Variants in SYT1 observed in about 807,000 individuals in gnomAD.
The protein encoded by SYT1 is synaptotagmin 1.
In SYT1, 8 loss-of-function variants were observed where a neutral mutation model predicts 44.8. The ratio of observed to expected loss-of-function variants is 0.18; its 90% CI spans 0.10 to 0.32. The LOEUF (loss-of-function observed/expected upper bound fraction) is 0.32, where lower values mean the gene tolerates loss of function less well. Among genes scored for constraint, SYT1 ranks in the 10% least tolerant of loss-of-function variants. The pLI, the probability that SYT1 is intolerant of heterozygous loss-of-function variation, is 1.00. For synonymous variants in SYT1, 154 were observed against 188.8 expected (o/e 0.82, Z 1.51); for missense variants, 286 against 509.3 (o/e 0.56, Z 4.22).
intron 8 of SYT1, among the ~76,000 whole-genome samples, chr12:79,308,652 G>GAAAGAAAGAAAGAAAGAAAGAAAGAAAGA (rs1565901646): frequency 1.8e-4 from 20 of 108,870 alleles, no homozygotes; most frequent in African/African-American, 7.1e-4. Context: ...AAGAAAGAAA[G>GAAAGAAAGAAAGAAAGAAAGAAAGAAAGA]AAAGAAAAGA....
chr12:79,311,313 A>G (rs868371654), intron 8 of SYT1, among the ~76,000 whole-genome samples: 20 of 152,228 alleles, frequency 1.3e-4, no homozygotes, highest in Admixed American at 4.6e-4. Context: ...CAAAACTGCA[A>G]TGAGATACCA....
chr12:79,104,059 T>G (rs763309286), intron 3 of SYT1, among the ~76,000 whole-genome samples: 1 of 152,146 alleles, frequency 6.6e-6, no homozygotes, highest in Admixed American at 6.5e-5. Flanking sequence ...TTATATGCTG[T>G]TGTCACTGGA....
chr12:79,138,891 A>T (rs2138206190), intron 3 of SYT1, among the ~76,000 whole-genome samples: 1 of 152,332 alleles, frequency 6.6e-6, no homozygotes, highest in Non-Finnish European at 1.5e-5. Context: ...GGTGGTAAGA[A>T]AAAAACTCAG....
At position 78,957,090 on chromosome 12, in the gene SYT1, G is replaced by A. The variant is rs190588882; in HGVS notation, c.-216-20709G>A. 2.0e-5 allele frequency among the ~76,000 whole-genome samples: 3 copies of A among 152,256 alleles called. No individual in the cohort carries two copies. In the East Asian group the frequency reaches 5.8e-4, roughly 29 times the overall value. ...TTCCACTGGCTGTCCACTGTTTGAG[G>A]GAGACTGATGGGCAAACATCTGCTT... On this transcript the variant is annotated intron_variant, in intron 1 of 10. Transcript: ENST00000261205.
intron 1 of SYT1, among the ~76,000 whole-genome samples, chr12:78,903,641 A>C (rs985940463): frequency 6.6e-6 from 1 of 152,070 alleles, no homozygotes; most frequent in African/African-American, 2.4e-5. Context: ...GTACAATTCA[A>C]TAGGCTTTTA....
intron 2 of SYT1, among the ~76,000 whole-genome samples, chr12:78,980,676 A>T (rs1869183892): frequency 6.6e-6 from 1 of 152,202 alleles, no homozygotes; most frequent in Admixed American, 6.5e-5. Flanking sequence ...ATTATAGTAA[A>T]ATTACATAAG....
intron 2 of SYT1, among the ~76,000 whole-genome samples, chr12:78,979,862 G>A (rs1869115397): frequency 6.6e-6 from 1 of 151,722 alleles, no homozygotes; most frequent in Non-Finnish European, 1.5e-5. Context: ...TGAATCTTTA[G>A]TTTTACAAAG....
intron 4 of SYT1, among the ~76,000 whole-genome samples, chr12:79,228,535 C>G (rs1336181577): frequency 6.6e-6 from 1 of 152,160 alleles, no homozygotes; most frequent in Non-Finnish European, 1.5e-5. Flanking sequence ...CTCCCCTTCT[C>G]CTTCACTGAC....
At chr12:78,904,381 A>C (rs1185112484) in intron 1 of SYT1, among the ~76,000 whole-genome samples, 3 of 152,148 alleles carry the variant, frequency 2.0e-5, no homozygotes, top group African/African-American at 4.8e-5. Context: ...ATAAAATTTG[A>C]ATTTTTTAGT....
chr12:79,332,381 G>A (rs1291226338), intron 8 of SYT1, among the ~76,000 whole-genome samples: 2 of 152,128 alleles, frequency 1.3e-5, no homozygotes, highest in Non-Finnish European at 2.9e-5. Flanking sequence ...CAAACCAGAT[G>A]GAAACTAAAT....
intron 3 of SYT1, among the ~76,000 whole-genome samples, chr12:79,190,885 A>G (rs1008656535): frequency 1.3e-5 from 2 of 152,080 alleles, no homozygotes; most frequent in Non-Finnish European, 2.9e-5. Flanking sequence ...TTTTGTATCT[A>G]CAAAGATGTG....
At chr12:79,180,488 T>TAA (rs398116641) in intron 3 of SYT1, among the ~76,000 whole-genome samples, 503 of 23,676 alleles carry the variant, frequency 0.021, 6 homozygotes, top group African/African-American at 0.06. Flanking sequence ...TTTTTTTTTT[T>TAA]AAAAAAAGGA....
chr12:78,988,789 A>G (rs530611527), intron 2 of SYT1, among the ~76,000 whole-genome samples: 4 of 152,270 alleles, frequency 2.6e-5, no homozygotes, highest in Admixed American at 1.3e-4. Flanking sequence ...GGTTTTCAAT[A>G]GGAAAATGCT....
chr12:79,372,555 G>T (rs1421962565), intron 9 of SYT1, among the ~76,000 whole-genome samples: 1 of 152,158 alleles, frequency 6.6e-6, no homozygotes, highest in Non-Finnish European at 1.5e-5. Flanking sequence ...TTAAGCTGAG[G>T]CCATAAGGGT....
chr12:79,345,136 TC>T (rs1308646602), intron 8 of SYT1, among the ~76,000 whole-genome samples: 2 of 152,088 alleles, frequency 1.3e-5, no homozygotes, highest in Non-Finnish European at 2.9e-5. Flanking sequence ...CACCTATATG[TC>T]CCCTGCCCTC....
At chr12:79,140,793 T>G (rs189676881) in intron 3 of SYT1, among the ~76,000 whole-genome samples, 14 of 152,322 alleles carry the variant, frequency 9.2e-5, no homozygotes, top group Non-Finnish European at 1.8e-4. Context: ...TTGAAGTTCT[T>G]GTTGTCTTAG....
chr12:78,978,094 G>C (rs1868977004), intron 2 of SYT1, among the ~76,000 whole-genome samples, 163 bp downstream of exon 2: 1 of 152,122 alleles, frequency 6.6e-6, no homozygotes, highest in African/African-American at 2.4e-5. Flanking sequence ...TGATATTAAG[G>C]GGAAATTAGT....
intron 3 of SYT1, among the ~76,000 whole-genome samples, chr12:79,092,464 A>T (rs2138008419): frequency 6.6e-6 from 1 of 151,908 alleles, no homozygotes; most frequent in Non-Finnish European, 1.5e-5. Context: ...TGCACACAAA[A>T]GTACACCTTC....
intron 2 of SYT1, among the ~76,000 whole-genome samples, chr12:79,001,597 C>G (rs1181380375): frequency 1.3e-5 from 2 of 152,098 alleles, no homozygotes; most frequent in Admixed American, 1.3e-4. Context: ...AGTCAGCACA[C>G]CACCATTATC....
Sources: gnomAD v4.1 joint callset for allele counts (sites outside exome capture counted in the v4.1 genomes callset) on GRCh38, gnomAD v4.1.1 for gene constraint, MANE v1.5 for transcripts, NCBI Gene and HGNC (gene_info 2026-07-23, HGNC 2026-07-21) for gene names.